Variants in GREB1L observed in about 807,000 individuals in gnomAD.
GREB1L encodes the protein GREB1 like retinoic acid receptor coactivator.
A neutral mutation model predicts 200.8 loss-of-function variants in GREB1L; 17 were observed. That is an observed-to-expected ratio of 0.08 (90% CI 0.06 to 0.13). GREB1L has a LOEUF of 0.13. GREB1L is among the 10% of genes least tolerant of loss of function. The pLI, the probability that GREB1L is intolerant of heterozygous loss-of-function variation, is 1.00. For synonymous variants in GREB1L, 789 were observed against 893.0 expected (o/e 0.88, Z 2.08); for missense variants, 1,657 against 2,367.7 (o/e 0.70, Z 6.23).
chr18:21,454,399 C>T lies in GREB1L; in HGVS notation c.2018C>T (p.Pro673Leu), dbSNP rs762475397. The change falls in exon 15 of 33, where the codon CCG becomes CTG. Residue 673 changes from proline to leucine, a missense_variant. By Grantham distance (98) the Pro-to-Leu change is moderately conservative. Around this residue, in one of 9 missense-constraint regions of GREB1L, gnomAD observed 239 missense variants for 421.8 expected, o/e 0.57. Transcript: ENST00000424526. Reference protein sequence around the residue: ...LDNETFHIYQPQLTVARKLLS... With the variant: ...LDNETFHIYQLQLTVARKLLS... Reference sequence around the variant, plus strand: ...AATGAAACCTTCCACATTTATCAACCGCAGCTAACAGTTGCCAGAAAACTC... The same window carrying T: ...AATGAAACCTTCCACATTTATCAACTGCAGCTAACAGTTGCCAGAAAACTC... The T allele has an allele frequency of 1.1e-5, 17 of 1,551,410 alleles. No homozygotes were observed. The highest frequency in any genetic ancestry group is 7.3e-5 in the East Asian group (3 of 40,930).
chr18:21,412,744 T>G (rs2031199344), intron 7 of GREB1L, among the ~76,000 whole-genome samples: 1 of 152,134 alleles, frequency 6.6e-6, no homozygotes, highest in Non-Finnish European at 1.5e-5. Flanking sequence ...GGTGGTTTCA[T>G]AGATATTTGC....
chr18:21,415,785 T>C (rs1268232549), intron 7 of GREB1L, among the ~76,000 whole-genome samples: 1 of 152,192 alleles, frequency 6.6e-6, no homozygotes, highest in Non-Finnish European at 1.5e-5. Flanking sequence ...AGCCCTAGAC[T>C]GAGCACTGCT....
At chr18:21,329,450 AT>A (rs1465211083) in intron 1 of GREB1L, among the ~76,000 whole-genome samples, 1 of 150,242 alleles carries the variant, frequency 6.7e-6, no homozygotes, top group Admixed American at 6.7e-5. Context: ...GAGCACTGGT[AT>A]TTTTTTTTCT....
chr18:21,459,143 C>T (rs1430236516), intron 15 of GREB1L, among the ~76,000 whole-genome samples: 4 of 151,868 alleles, frequency 2.6e-5, no homozygotes, highest in South Asian at 2.1e-4. Flanking sequence ...GCCAGAGAGA[C>T]GTATTTGTCT....
intron 27 of GREB1L, among the ~76,000 whole-genome samples, chr18:21,511,524 C>T (rs1342197545): frequency 6.6e-6 from 1 of 152,148 alleles, no homozygotes; most frequent in African/African-American, 2.4e-5. Context: ...ATGTTTTCTC[C>T]TAAATGATTT....
intron 2 of GREB1L, among the ~76,000 whole-genome samples, chr18:21,369,740 T>C (rs1331830018): frequency 1.3e-5 from 2 of 151,790 alleles, no homozygotes. Context: ...ACTATAAAAA[T>C]AAATTTGTCC....
chr18:21,434,429 T>C (rs957213892), intron 7 of GREB1L, among the ~76,000 whole-genome samples: 2 of 149,806 alleles, frequency 1.3e-5, no homozygotes, highest in African/African-American at 5.0e-5. Context: ...TGAGCCGAGA[T>C]CACACCACTG....
chr18:21,328,321 G>T (rs561462008), intron 1 of GREB1L, among the ~76,000 whole-genome samples: 1 of 152,270 alleles, frequency 6.6e-6, no homozygotes, highest in South Asian at 2.1e-4. Context: ...CTGTCCCAAT[G>T]CATTGAATCG....
chr18:21,408,084 T>C (rs1443377253), intron 7 of GREB1L, among the ~76,000 whole-genome samples: 1 of 152,196 alleles, frequency 6.6e-6, no homozygotes, highest in Non-Finnish European at 1.5e-5. Flanking sequence ...AACAATAATA[T>C]ATATTTTTAA....
intron 1 of GREB1L, among the ~76,000 whole-genome samples, chr18:21,350,145 C>A (rs1242385663): frequency 6.6e-6 from 1 of 152,028 alleles, no homozygotes; most frequent in Non-Finnish European, 1.5e-5. Context: ...CCTTTATCAT[C>A]ATTCCTAGCA....
rs2037628294 is a variant in GREB1L, at chr18:21,522,885, A to AT, written c.*69dup. 25 of 1,413,362 alleles carry AT rather than the reference A, an allele frequency of 1.8e-5. No individual in the cohort carries two copies. The South Asian group carries it at 3.7e-4, about 21-fold the overall frequency. The allele number at this position is 1,413,362 out of a possible 1,614,324, so 87.6% of individuals were successfully genotyped here. The stretch of plus-strand genomic sequence containing the variant: ...TGGGATGGGACAGAAACAATTTGGG[A>AT]TTTTTCTTTTTCCTTTAAAGTACAA... On this transcript the variant is annotated 3_prime_UTR_variant, in exon 33 of 33. Coordinates refer to ENST00000424526, the MANE Select transcript of GREB1L (RefSeq NM_001142966.3).
intron 15 of GREB1L, among the ~76,000 whole-genome samples, chr18:21,467,513 A>G (rs147509615): frequency 0.01 from 1,568 of 152,344 alleles, 96 homozygotes; most frequent in Admixed American, 0.096. Context: ...TAGCCATTGG[A>G]GAAATGCGAA....
chr18:21,412,848 C>A (rs564241663), intron 7 of GREB1L, among the ~76,000 whole-genome samples: 5 of 152,220 alleles, frequency 3.3e-5, no homozygotes, highest in South Asian at 2.1e-4. Flanking sequence ...ACCACCCCCC[C>A]CCACCACCAA....
At chr18:21,479,672 CT>C (rs2035844376) in intron 17 of GREB1L, among the ~76,000 whole-genome samples, 1 of 150,098 alleles carries the variant, frequency 6.7e-6, no homozygotes, top group Non-Finnish European at 1.5e-5. Context: ...TAGCAAGACC[CT>C]GTCTCAAAAA....
Position 21,384,538 on chromosome 18 carries a change from C to G in GREB1L, c.355+135C>G, listed in dbSNP as rs147772175. 1.6e-5 allele frequency: 11 copies of G among 695,254 alleles called. No homozygotes were observed. In the African/African-American group the frequency reaches 1.8e-4, roughly 11 times the overall value. The allele number at this position is 695,254 out of a possible 1,614,324, so 43.1% of individuals were successfully genotyped here. A position where few individuals can be genotyped will look rare whatever the true frequency, so the allele number is the denominator to read the frequency against. Reference sequence around the variant, plus strand: ...GAGAGGAATGAGAAATGATTATGCTCTCATTCACATTATCTCCTGTGACTT... The same window carrying G: ...GAGAGGAATGAGAAATGATTATGCTGTCATTCACATTATCTCCTGTGACTT... On this transcript the variant is annotated intron_variant, in intron 4 of 32. Transcript: ENST00000424526.
chr18:21,470,536 G>A (rs901716094), intron 15 of GREB1L, among the ~76,000 whole-genome samples: 1 of 152,014 alleles, frequency 6.6e-6, no homozygotes, highest in Non-Finnish European at 1.5e-5. Context: ...TACTGCTTGT[G>A]TACAGAAATG....
At chr18:21,330,382 C>T (rs537733056) in intron 1 of GREB1L, among the ~76,000 whole-genome samples, 1 of 152,188 alleles carries the variant, frequency 6.6e-6, no homozygotes, top group East Asian at 1.9e-4. Flanking sequence ...CCTTAAGTGG[C>T]CTCTCTTGGC....
intron 1 of GREB1L, among the ~76,000 whole-genome samples, chr18:21,294,753 T>G (rs2038501078): frequency 6.6e-6 from 1 of 152,190 alleles, no homozygotes; most frequent in Non-Finnish European, 1.5e-5. Context: ...ATTTGTCATT[T>G]ACAATAGTCA....
intron 9 of GREB1L, among the ~76,000 whole-genome samples, chr18:21,441,076 G>A (rs2033871729): frequency 6.6e-6 from 1 of 152,072 alleles, no homozygotes; most frequent in Admixed American, 6.6e-5. Flanking sequence ...TGTATGTAAT[G>A]AACAGATATA....
Sources: allele counts gnomAD v4.1 joint callset (sites outside exome capture counted in the v4.1 genomes callset), GRCh38; gene constraint gnomAD v4.1.1; regional missense constraint gnomAD v4.1.1; transcripts MANE v1.5; gene names NCBI Gene and HGNC (gene_info 2026-07-23, HGNC 2026-07-21).